Variants in ELN observed in about 807,000 individuals in gnomAD.
ELN encodes tropoelastin.
Under a neutral mutation model 105.8 loss-of-function variants are expected in ELN, and 65 were observed. That is an observed-to-expected ratio of 0.61 (90% CI 0.50 to 0.75). The LOEUF (loss-of-function observed/expected upper bound fraction) is 0.75. Ranked by LOEUF, ELN falls within the 30% of genes least tolerant of loss-of-function variation. The probability of loss-of-function intolerance (pLI) is 0.00; values close to 1 mark genes in which losing one functional copy is unlikely to be tolerated. For synonymous variants in ELN, 368 were observed against 389.2 expected, an observed-to-expected ratio of 0.95 and a Z score of 0.64; for missense variants, 882 against 969.4, an observed-to-expected ratio of 0.91 and a Z score of 1.20.
intron 1 of ELN, among the ~76,000 whole-genome samples, chr7:74,028,551 G>A (rs55810945): frequency 1.4e-4 from 21 of 152,328 alleles, no homozygotes; most frequent in African/African-American, 4.8e-4. Context: ...TCAGGTGCCC[G>A]GGTGCCCGCC....
chr7:74,042,778 T>C (rs1382092972), intron 6 of ELN, 72 bp downstream of exon 6: 23 of 1,581,252 alleles, frequency 1.5e-5, no homozygotes, highest in Non-Finnish European at 1.8e-5. Flanking sequence ...GCAAAGAACC[T>C]TCCCTCAACT....
intron 26 of ELN, among the ~76,000 whole-genome samples, chr7:74,061,857 G>C (rs1421598156): frequency 2.6e-5 from 4 of 152,174 alleles, no homozygotes; most frequent in Admixed American, 2.6e-4. Context: ...CATGGTCCCT[G>C]TGTCCAGGAA....
In ELN at chr7:74,036,673, G is replaced by C. The variant is rs985981424; in HGVS notation, c.163+89G>C. 7 of 1,582,058 alleles carry C rather than the reference G, an allele frequency of 4.4e-6. No individual in the cohort carries two copies. In the African/African-American group the frequency reaches 9.4e-5, roughly 21 times the overall value. ...ATCCTCAGACCTGAGAACCCTGGGA[G>C]ACCCGAGCATCAAGGACTCCCTCAT... On this transcript the variant is annotated intron_variant, in intron 3 of 32. Coordinates refer to ENST00000252034, the MANE Select transcript of ELN (RefSeq NM_000501.4).
chr7:74,038,084 C>T (rs1183460436), intron 4 of ELN: 1 of 373,420 alleles, frequency 2.7e-6, no homozygotes, highest in Non-Finnish European at 5.2e-6. Flanking sequence ...GCTCCGGTTC[C>T]AGTGGCCTCC....
intron 12 of ELN, among the ~76,000 whole-genome samples, 178 bp downstream of exon 12, chr7:74,046,945 G>A (rs116979958): frequency 2.0e-5 from 3 of 152,344 alleles, no homozygotes; most frequent in Non-Finnish European, 4.4e-5. Context: ...TTAGCCAGGT[G>A]TGGTGGCATA....
chr7:74,061,648 T>C (rs1796688285), intron 26 of ELN, among the ~76,000 whole-genome samples: 1 of 151,936 alleles, frequency 6.6e-6, no homozygotes. Context: ...CGAGACTGTA[T>C]CTCAAAAAAA....
At chr7:74,059,749 G>A in intron 22 of ELN, 137 bp from the exon 23 acceptor site, 1 of 766,812 alleles carries the variant, frequency 1.3e-6, no homozygotes, top group East Asian at 2.4e-5. Context: ...GGAAGCTGAG[G>A]CCCAGCAAGG....
intron 1 of ELN, among the ~76,000 whole-genome samples, chr7:74,031,786 A>G (rs1788702859): frequency 6.7e-6 from 1 of 149,852 alleles, no homozygotes; most frequent in African/African-American, 2.5e-5. Context: ...AAAAAGAAAG[A>G]AAAAGAAAGA....
Position 74,057,705 on chromosome 7 carries a change from C to T in ELN, c.1414+9C>T, listed in dbSNP as rs782299936. The T allele has an allele frequency of 8.7e-6, 14 of 1,612,678 alleles. No homozygotes were observed. Among genetic ancestry groups the T allele is most frequent in the East Asian group, 2.2e-5 (1 of 44,888 alleles). On this transcript the variant is annotated intron_variant, in intron 22 of 32. Coordinates refer to ENST00000252034, the MANE Select transcript of ELN (RefSeq NM_000501.4). ...CAAAGCCGCCCAGTTTGGTAAGTCCCCCTCACCCCCGCCACTGGCTCACGG... is the reference window on the plus strand; with the variant it reads ...CAAAGCCGCCCAGTTTGGTAAGTCCTCCTCACCCCCGCCACTGGCTCACGG...
intron 21 of ELN, 22 bp from the exon 22 acceptor site, chr7:74,057,618 C>T (rs1740585397): frequency 1.4e-5 from 23 of 1,613,946 alleles, no homozygotes; most frequent in Non-Finnish European, 1.9e-5. Context: ...TACTCTCTCA[C>T]CCCTTCTCTT....
In ELN at chr7:74,042,637, A is replaced by G; in HGVS notation, c.256A>G (p.Thr86Ala). 1.9e-6 allele frequency: 3 copies of G among 1,613,456 alleles called. No homozygotes were observed. The highest frequency in any genetic ancestry group is 2.5e-6 in the Non-Finnish European group (3 of 1,179,974). Reference sequence around the variant, plus strand: ...AGGGCTCGGCGCCTTCCCCGCAGTTACCTTTCCGGGGGCTCTGGTGCCTGG... The same window carrying G: ...AGGGCTCGGCGCCTTCCCCGCAGTTGCCTTTCCGGGGGCTCTGGTGCCTGG... ...GAGLGAFPAV[T>A]FPGALVPGGV... Residue 86 changes from threonine to alanine, a missense_variant, in exon 6 of 33, where the codon ACC becomes GCC. Coordinates refer to ENST00000252034, the MANE Select transcript of ELN (RefSeq NM_000501.4).
intron 9 of ELN, among the ~76,000 whole-genome samples, chr7:74,044,766 G>A (rs1227677385): frequency 6.6e-6 from 1 of 152,250 alleles, no homozygotes; most frequent in African/African-American, 2.4e-5. Context: ...CCAGCCCCAG[G>A]GGAGACAGGA....
At chr7:74,031,695 T>C (rs1300588769) in intron 1 of ELN, among the ~76,000 whole-genome samples, 1 of 151,878 alleles carries the variant, frequency 6.6e-6, no homozygotes, top group Non-Finnish European at 1.5e-5. Context: ...CATGGGCAGA[T>C]TGCTTGAGCC....
chr7:74,028,947 G>A (rs927725652), intron 1 of ELN, among the ~76,000 whole-genome samples: 12 of 152,264 alleles, frequency 7.9e-5, no homozygotes, highest in Admixed American at 7.2e-4. Context: ...AGGTGTGCAT[G>A]TGTTCAGATG....
intron 15 of ELN, among the ~76,000 whole-genome samples, chr7:74,049,547 C>T (rs1261001951): frequency 1.4e-5 from 2 of 147,008 alleles, no homozygotes; most frequent in South Asian, 4.4e-4. Context: ...CCATCTATCC[C>T]TCCATCCATT....
At chr7:74,064,442 A>G (rs1444091783) in intron 29 of ELN, among the ~76,000 whole-genome samples, 10 of 145,942 alleles carry the variant, frequency 6.9e-5, no homozygotes, top group African/African-American at 1.0e-4. Context: ...ATATATATAT[A>G]TATGTATGTA....
At position 74,056,472 on chromosome 7, in the gene ELN, A is replaced by G. The variant is rs782145364; in HGVS notation, c.1315+37A>G. The G allele has an allele frequency of 5.6e-6, 9 of 1,612,420 alleles. No homozygotes were observed. In the East Asian group the frequency reaches 1.8e-4, roughly 32 times the overall value. On this transcript the variant is annotated intron_variant, in intron 20 of 32. Transcript: ENST00000252034. ...TCACACCTGGGGACATGGGTTGAGAAGGGATGGGGGCTTCTTGTCTGCTCG... is the reference window on the plus strand; with the variant it reads ...TCACACCTGGGGACATGGGTTGAGAGGGGATGGGGGCTTCTTGTCTGCTCG...
At chr7:74,058,273 TC>T (rs1795810254) in intron 22 of ELN, among the ~76,000 whole-genome samples, 1 of 11,270 alleles carries the variant, frequency 8.9e-5, no homozygotes. Context: ...TCCTTCTTCT[TC>T]TTCTTCCTCT....
intron 12 of ELN, among the ~76,000 whole-genome samples, chr7:74,047,072 A>T (rs1554672914): frequency 6.6e-6 from 1 of 151,814 alleles, no homozygotes; most frequent in Non-Finnish European, 1.5e-5. Context: ...TAACAGAGTG[A>T]GACTCTCCTC....
Sources: gnomAD v4.1 joint callset for allele counts (sites outside exome capture counted in the v4.1 genomes callset) on GRCh38, gnomAD v4.1.1 for gene constraint, MANE v1.5 for transcripts, NCBI Gene and HGNC (gene_info 2026-07-23, HGNC 2026-07-21) for gene names.